RABGAP1L: variants seen among roughly 807,000 people sequenced by gnomAD.
The protein encoded by RABGAP1L is rab GTPase-activating protein 1-like.
Under a neutral mutation model 137.7 loss-of-function variants are expected in RABGAP1L, and 63 were observed. The ratio of observed to expected loss-of-function variants is 0.46; its 90% CI spans 0.37 to 0.56. The LOEUF (loss-of-function observed/expected upper bound fraction) is 0.56. RABGAP1L is among the 20% of genes least tolerant of loss of function. The pLI, the probability that RABGAP1L is intolerant of heterozygous loss-of-function variation, is 0.00. For synonymous variants in RABGAP1L, 431 were observed against 433.7 expected, an observed-to-expected ratio of 0.99 and a Z score of 0.08; for missense variants, 1,095 against 1,244.0, an observed-to-expected ratio of 0.88 and a Z score of 1.80.
intron 13 of RABGAP1L, among the ~76,000 whole-genome samples, chr1:174,402,316 T>C (rs760630982): frequency 1.5e-4 from 23 of 152,182 alleles, no homozygotes; most frequent in Non-Finnish European, 3.2e-4. Context: ...AGAAAAACTC[T>C]ATATTTTTCT....
Position 174,978,846 on chromosome 1 carries a change from T to C in RABGAP1L, c.2689T>C (p.Tyr897His), listed in dbSNP as rs1255487801. The change falls in exon 23 of 26, where the codon TAT (tyrosine) becomes CAT (histidine). Residue 897 changes from tyrosine to histidine, a missense_variant. Coordinates refer to ENST00000681986, the MANE Select transcript of RABGAP1L (RefSeq NM_001366446.1). ...CAGGAAACAGCTAGAGAAGGCAGAA[T>C]ATGAAATAAAGAAGACTACAGCTAT... ...VFRKQLEKAE[Y>H]EIKKTTAIIA... 1 of 1,545,724 alleles carries C rather than the reference T, an allele frequency of 6.5e-7. No individual in the cohort carries two copies. Among genetic ancestry groups the C allele is most frequent in the South Asian group, 1.2e-5 (1 of 82,898 alleles).
intron 19 of RABGAP1L, among the ~76,000 whole-genome samples, chr1:174,911,180 G>A (rs1457567593): frequency 6.6e-6 from 1 of 151,678 alleles, no homozygotes; most frequent in Admixed American, 6.6e-5. Flanking sequence ...ATATATTATG[G>A]ACAGCAAATC....
intron 20 of RABGAP1L, among the ~76,000 whole-genome samples, chr1:174,958,791 A>G (rs1414460789): frequency 6.6e-6 from 1 of 152,180 alleles, no homozygotes; most frequent in African/African-American, 2.4e-5. Context: ...TGGACTCCAA[A>G]TTGAGGGTTT....
In RABGAP1L at chr1:174,694,523, A is replaced by C. The variant is rs1490429623; in HGVS notation, c.1900-5002A>C. Among the ~76,000 whole-genome samples the C allele has an allele frequency of 4.0e-5, 6 of 151,752 alleles. No individual in the cohort carries two copies. In the East Asian group the frequency reaches 1.2e-3, roughly 29 times the overall value. On this transcript the variant is annotated intron_variant, in intron 15 of 25. Transcript: ENST00000681986. ...TTTCATCCATGTCCCTACAAAGGAC[A>C]TGAACTCATCATTTTTTATGGCTGC...
At chr1:174,310,606 A>G (rs1169176357) in intron 11 of RABGAP1L, among the ~76,000 whole-genome samples, 1 of 152,188 alleles carries the variant, frequency 6.6e-6, no homozygotes. Flanking sequence ...TGCTTTATAT[A>G]TAGGTACTTT....
intron 17 of RABGAP1L, among the ~76,000 whole-genome samples, chr1:174,704,156 C>T (rs1016310573): frequency 3.3e-5 from 5 of 150,984 alleles, no homozygotes; most frequent in Non-Finnish European, 1.5e-5. Context: ...CAACACCATG[C>T]CCAGCTAATT....
At chr1:174,611,117 T>C (rs187566791) in intron 13 of RABGAP1L, among the ~76,000 whole-genome samples, 4 of 148,636 alleles carry the variant, frequency 2.7e-5, no homozygotes, top group African/African-American at 5.1e-5. Context: ...GTTTTAGACA[T>C]GAAGTCCTTG....
chr1:174,887,725 A>G (rs1419353048), intron 19 of RABGAP1L, among the ~76,000 whole-genome samples: 2 of 152,202 alleles, frequency 1.3e-5, no homozygotes, highest in Admixed American at 6.6e-5. Flanking sequence ...AAAGGAAATC[A>G]ATTGTATTTA....
chr1:174,621,231 A>G (rs1310670036), intron 13 of RABGAP1L, among the ~76,000 whole-genome samples: 2 of 152,238 alleles, frequency 1.3e-5, no homozygotes, highest in Admixed American at 6.5e-5. Flanking sequence ...AGAACATTCC[A>G]TGCTCATGGG....
At chr1:174,482,571 G>C (rs1410985541) in intron 13 of RABGAP1L, among the ~76,000 whole-genome samples, 2 of 152,156 alleles carry the variant, frequency 1.3e-5, no homozygotes, top group Non-Finnish European at 2.9e-5. Context: ...GCTCACTGCA[G>C]CCTCTACCTC....
intron 10 of RABGAP1L, among the ~76,000 whole-genome samples, chr1:174,293,160 G>T (rs1032604275): frequency 4.6e-5 from 7 of 151,132 alleles, no homozygotes; most frequent in Non-Finnish European, 8.9e-5. Flanking sequence ...GTTTTTTTTG[G>T]TTATATTCTT....
At chr1:174,919,569 T>G (rs536440434) in intron 19 of RABGAP1L, among the ~76,000 whole-genome samples, 2 of 152,142 alleles carry the variant, frequency 1.3e-5, no homozygotes, top group Non-Finnish European at 2.9e-5. Context: ...AGAATTATTT[T>G]TAAGCCAGGC....
At chr1:174,740,010 T>G (rs1683254850) in intron 17 of RABGAP1L, among the ~76,000 whole-genome samples, 2 of 152,186 alleles carry the variant, frequency 1.3e-5, no homozygotes, top group African/African-American at 4.8e-5. Context: ...TCAGGGTATA[T>G]TATTATGATT....
chr1:174,326,650 C>G (rs1422887322), intron 11 of RABGAP1L, among the ~76,000 whole-genome samples: 2 of 151,870 alleles, frequency 1.3e-5, no homozygotes, highest in African/African-American at 2.4e-5. Flanking sequence ...TTCAAAGAAG[C>G]AATAAAAGAA....
intron 19 of RABGAP1L, among the ~76,000 whole-genome samples, chr1:174,859,953 C>CTTTT (rs746676430): frequency 5.3e-5 from 5 of 95,106 alleles, no homozygotes; most frequent in Middle Eastern, 6.6e-3. Flanking sequence ...TAGTCCAATG[C>CTTTT]TTTTTTTTTT....
chr1:174,467,260 A>G (rs1657405457), intron 13 of RABGAP1L, among the ~76,000 whole-genome samples: 1 of 152,140 alleles, frequency 6.6e-6, no homozygotes, highest in African/African-American at 2.4e-5. Flanking sequence ...TCTGAAATCC[A>G]TATGTTCTTA....
chr1:174,508,261 A>G (rs1440732756), intron 13 of RABGAP1L, among the ~76,000 whole-genome samples: 1 of 151,912 alleles, frequency 6.6e-6, no homozygotes, highest in African/African-American at 2.4e-5. Flanking sequence ...TATTTTTTCT[A>G]TTTTCCACCA....
intron 7 of RABGAP1L, among the ~76,000 whole-genome samples, chr1:174,256,107 A>G (rs1239925534): frequency 6.6e-6 from 1 of 152,190 alleles, no homozygotes; most frequent in Non-Finnish European, 1.5e-5. Flanking sequence ...AATTCATTCC[A>G]GGATTAGATA....
chr1:174,814,548 T>C (rs1187474404), intron 19 of RABGAP1L, among the ~76,000 whole-genome samples: 1 of 152,102 alleles, frequency 6.6e-6, no homozygotes, highest in Non-Finnish European at 1.5e-5. Context: ...AATCCAAAGG[T>C]CTAAAATTGT....
Sources: gnomAD v4.1 joint callset for allele counts (sites outside exome capture counted in the v4.1 genomes callset) on GRCh38, gnomAD v4.1.1 for gene constraint, MANE v1.5 for transcripts, NCBI Gene and HGNC (gene_info 2026-07-23, HGNC 2026-07-21) for gene names.